The following EPAS1 variants were observed in gnomAD, a reference collection of about 807,000 sequenced individuals.
The protein encoded by EPAS1 is endothelial PAS domain-containing protein 1.
EPAS1 carries 23 observed loss-of-function variants against 87.9 expected under a neutral mutation model. That is an observed-to-expected ratio of 0.26 (90% CI 0.19 to 0.37). The LOEUF (loss-of-function observed/expected upper bound fraction) is 0.37. Ranked by LOEUF, EPAS1 falls within the 10% of genes least tolerant of loss-of-function variation. EPAS1 has a pLI of 1.00. For missense variants in EPAS1, 1,138 were observed against 1,120.7 expected, an observed-to-expected ratio of 1.02 and a Z score of -0.22; for synonymous variants, 508 against 444.3, an observed-to-expected ratio of 1.14 and a Z score of -1.80.
rs1558596524 is a variant in EPAS1 at position 46,346,982 on chromosome 2, AGT to A, written c.140_141del (p.Val47GlufsTer29). 1 of 1,614,214 alleles carries A rather than the reference AGT, an allele frequency of 6.2e-7. No individual in the cohort carries two copies. The highest frequency in any genetic ancestry group is 8.5e-7 in the Non-Finnish European group (1 of 1,180,022). Reference sequence around the variant, plus strand: ...GGCCCATGAGCTGCCTCTGCCCCACAGTGTGAGCTCCCATCTGGACAAGGCCT... The same window carrying A: ...GGCCCATGAGCTGCCTCTGCCCCACAGTGAGCTCCCATCTGGACAAGGCCT... Reference protein sequence around the residue: ...ELAHELPLPHSVSSHLDKASI... With the variant: ...ELAHELPLPHXVSSHLDKASI... On this transcript the variant is annotated frameshift_variant, in exon 2 of 16. Coordinates refer to ENST00000263734, the MANE Select transcript of EPAS1 (RefSeq NM_001430.5). LOFTEE classifies it high-confidence loss of function. This position sits in a 1 kb window ranked among gnomAD's most constrained non-coding sequence, Gnocchi z 4.0.
intron 7 of EPAS1, among the ~76,000 whole-genome samples, chr2:46,373,736 A>C (rs975051590): frequency 1.3e-5 from 2 of 152,200 alleles, no homozygotes; most frequent in Non-Finnish European, 2.9e-5. Flanking sequence ...TGAACTGTAT[A>C]CTTCAAATGG....
chr2:46,325,482 C>T (rs758690763), intron 1 of EPAS1, among the ~76,000 whole-genome samples: 16 of 152,244 alleles, frequency 1.1e-4, no homozygotes, highest in South Asian at 2.1e-4. Context: ...TGTAGGCAGG[C>T]GAAGGATGAC....
Position 46,380,865 on chromosome 2 carries a change from A to G in EPAS1, c.2045+148A>G, listed in dbSNP as rs1684874102. The G allele has an allele frequency of 8.5e-6, 12 of 1,410,976 alleles. No homozygotes were observed. The highest frequency in any genetic ancestry group is 1.2e-5 in the Non-Finnish European group (12 of 1,027,918). 87.4% of individuals were successfully genotyped at this position (1,410,976 alleles called of 1,614,324 possible). Reference sequence around the variant, plus strand: ...CTTCTCTGAGCTCAGACTTTGGGGAATCACCTCAAGCCATGTGAGGCCTAG... The same window carrying G: ...CTTCTCTGAGCTCAGACTTTGGGGAGTCACCTCAAGCCATGTGAGGCCTAG... On this transcript the variant is annotated intron_variant, in intron 12 of 15. Transcript: ENST00000263734. The surrounding 1 kb of genome is among the most constrained non-coding windows in gnomAD (Gnocchi z 4.4).
chr2:46,304,405 G>C (rs1030690990), intron 1 of EPAS1, among the ~76,000 whole-genome samples: 1 of 152,140 alleles, frequency 6.6e-6, no homozygotes, highest in Non-Finnish European at 1.5e-5. Context: ...TGTTCCATAC[G>C]CCCTTCCCTT....
intron 1 of EPAS1, among the ~76,000 whole-genome samples, chr2:46,332,423 C>G (rs376512653): frequency 7.9e-5 from 12 of 151,726 alleles, no homozygotes; most frequent in Non-Finnish European, 1.3e-4. Context: ...AAATCACTGA[C>G]GGGACCTCAG....
chr2:46,299,330 C>G (rs1682949248), intron 1 of EPAS1, among the ~76,000 whole-genome samples: 3 of 152,230 alleles, frequency 2.0e-5, no homozygotes. Flanking sequence ...CTCCCCTTTC[C>G]TGGCCGTAGT....
chr2:46,352,393 C>G (rs929523489), intron 2 of EPAS1, among the ~76,000 whole-genome samples: 3 of 152,244 alleles, frequency 2.0e-5, no homozygotes, highest in Admixed American at 6.5e-5. Context: ...CAGTAAGTGA[C>G]ACTTCTGGAC....
At chr2:46,363,360 C>T (rs1043523095) in intron 6 of EPAS1, among the ~76,000 whole-genome samples, 30 of 152,214 alleles carry the variant, frequency 2.0e-4, no homozygotes, top group African/African-American at 6.0e-4. Flanking sequence ...CTGGGAAAAC[C>T]CTACTGTCCT....
chr2:46,299,555 A>G (rs1245807715), intron 1 of EPAS1, among the ~76,000 whole-genome samples: 2 of 152,256 alleles, frequency 1.3e-5, no homozygotes, highest in African/African-American at 2.4e-5. Flanking sequence ...AAGCAAAGTT[A>G]TAGACAGCGC....
intron 1 of EPAS1, among the ~76,000 whole-genome samples, chr2:46,321,275 G>T (rs1050896503): frequency 6.6e-6 from 1 of 152,280 alleles, no homozygotes; most frequent in African/African-American, 2.4e-5. Context: ...TTGTTTATCT[G>T]GTCTTCTGTC....
chr2:46,330,600 T>A (rs575724711), intron 1 of EPAS1, among the ~76,000 whole-genome samples: 29 of 152,354 alleles, frequency 1.9e-4, no homozygotes, highest in African/African-American at 6.7e-4. Context: ...CCCATGGAGA[T>A]AATCACCTCT....
intron 1 of EPAS1, among the ~76,000 whole-genome samples, chr2:46,344,930 G>T (rs1019357527): frequency 6.6e-6 from 1 of 152,206 alleles, no homozygotes. Context: ...AATCAAAACA[G>T]TGCTTCTGCC....
intron 1 of EPAS1, among the ~76,000 whole-genome samples, chr2:46,309,834 T>G (rs1321813241): frequency 6.6e-6 from 1 of 152,118 alleles, no homozygotes; most frequent in Non-Finnish European, 1.5e-5. Flanking sequence ...ATGGAATCTT[T>G]GGGTTGCCTT....
chr2:46,339,453 G>A (rs1036476142), intron 1 of EPAS1, among the ~76,000 whole-genome samples: 9 of 152,216 alleles, frequency 5.9e-5, no homozygotes, highest in Admixed American at 3.9e-4. Context: ...CGGGGCTTTT[G>A]TTCCAGTTCC....
chr2:46,356,838 G>A, intron 4 of EPAS1, 30 bp downstream of exon 4: 1 of 1,530,308 alleles, frequency 6.5e-7, no homozygotes, highest in Non-Finnish European at 9.1e-7. Context: ...CTTCCTTCTT[G>A]CCCCCACTGG....
At chr2:46,313,909 A>G (rs1014059931) in intron 1 of EPAS1, among the ~76,000 whole-genome samples, 3 of 152,188 alleles carry the variant, frequency 2.0e-5, no homozygotes, top group Non-Finnish European at 2.9e-5. Flanking sequence ...AATGTTTGTT[A>G]AGTGAAATAA....
Position 46,378,728 on chromosome 2 carries a change from C to T in EPAS1, c.1515C>T (p.Phe505=), listed in dbSNP as rs143242674. The T allele has an allele frequency of 5.1e-5, 83 of 1,614,184 alleles. No individual in the cohort carries two copies. The highest frequency in any genetic ancestry group is 4.1e-4 in the African/African-American group (31 of 75,044). Reference sequence around the variant, plus strand: ...AGATTGAAGTGATTGAGAAGCTCTTCGCCATGGACACAGAGGCCAAGGACC... The same window carrying T: ...AGATTGAAGTGATTGAGAAGCTCTTTGCCATGGACACAGAGGCCAAGGACC... ...DLKIEVIEKL[F]AMDTEAKDQC... The change falls in exon 11 of 16, where the codon TTC becomes TTT. Residue 505 remains phenylalanine (F), a synonymous_variant. Coordinates refer to ENST00000263734, the MANE Select transcript of EPAS1 (RefSeq NM_001430.5).
At chr2:46,298,284 G>C (rs529680430) in intron 1 of EPAS1, among the ~76,000 whole-genome samples, 2 of 152,372 alleles carry the variant, frequency 1.3e-5, no homozygotes, top group East Asian at 3.9e-4. Flanking sequence ...GCTTGGAAAT[G>C]TTTGTGGGTG....
rs1279871747 is a variant in EPAS1 at position 46,371,455 on chromosome 2, C to T, written c.886+1522C>T. Among the ~76,000 whole-genome samples the T allele has an allele frequency of 6.6e-6, 1 of 152,168 alleles. No individual in the cohort carries two copies. The highest frequency in any genetic ancestry group is 2.4e-5 in the African/African-American group (1 of 41,428). On this transcript the variant is annotated intron_variant, in intron 7 of 15. Transcript: ENST00000263734. The surrounding 1 kb of genome is among the most constrained non-coding windows in gnomAD (Gnocchi z 4.3). ...TCTCAGAGAAGTTTCTCACTGTGCT[C>T]TCTGGCAAAACACACACGCGCACAC...
Sources: gnomAD v4.1 joint callset for allele counts (sites outside exome capture counted in the v4.1 genomes callset) on GRCh38, gnomAD v4.1.1 for gene constraint, Gnocchi (gnomAD v3.1) non-coding constraint, MANE v1.5 for transcripts, NCBI Gene and HGNC (gene_info 2026-07-23, HGNC 2026-07-21) for gene names.